The following ZNF579 variants were observed in gnomAD, a reference collection of about 807,000 sequenced individuals.
ZNF579 encodes the protein zinc finger protein 579.
A neutral mutation model predicts 5.7 loss-of-function variants in ZNF579; 3 were observed. The observed-to-expected ratio is 0.53, with a 90% CI of 0.24 to 1.36. The LOEUF (loss-of-function observed/expected upper bound fraction) is 1.36. Among genes scored for constraint, ZNF579 ranks in the 40% most tolerant of loss-of-function variants. The pLI is 0.16. For synonymous variants in ZNF579, 454 were observed against 409.0 expected (o/e 1.11, Z -1.33); for missense variants, 679 against 877.6 (o/e 0.77, Z 2.86).
chr19:55,577,102 G>A lies in ZNF579; in HGVS notation c.*849C>T, dbSNP rs1205934396. 1 of 152,080 alleles carries A rather than the reference G, an allele frequency of 6.6e-6. No individual in the cohort carries two copies. Among genetic ancestry groups the A allele is most frequent in the African/African-American group, 2.4e-5 (1 of 41,380 alleles). 9.4% of individuals were successfully genotyped at this position (152,080 alleles called of 1,614,324 possible). ...CACTGCAGCTTGGGCAACAGAGTGAGGGAAGAAAGATTATGGAAACTTTTC... is the reference window on the plus strand; with the variant it reads ...CACTGCAGCTTGGGCAACAGAGTGAAGGAAGAAAGATTATGGAAACTTTTC... On this transcript the variant is annotated 3_prime_UTR_variant, in exon 2 of 2. Transcript: ENST00000325421.
chr19:55,579,576 G>A lies in ZNF579; in HGVS notation c.64C>T (p.Arg22Cys), dbSNP rs2056966049. The A allele has an allele frequency of 2.7e-6, 4 of 1,491,888 alleles. No homozygotes were observed. The highest frequency in any genetic ancestry group is 2.5e-5 in the South Asian group (2 of 80,120). The allele number at this position is 1,491,888 out of a possible 1,614,324, so 92.4% of individuals were successfully genotyped here. The change falls in exon 2 of 2, where the codon CGT becomes TGT. Residue 22 changes from arginine (R) to cysteine (C), a missense_variant. Physicochemically the swap from Arg to Cys is radical, Grantham distance 180. Around this residue, in one of 6 missense-constraint regions of ZNF579, gnomAD observed 134 missense variants for 208.9 expected, o/e 0.64. Coordinates refer to ENST00000325421, the MANE Select transcript of ZNF579 (RefSeq NM_152600.3). Reference protein sequence around the residue: ...SPPHRGRGRGRGRGRGRGRGR... With the variant: ...SPPHRGRGRGCGRGRGRGRGR... ...CGGCCCCGACCACGGCCTCGGCCAC[G>A]GCCCCGGCCTCGGCCACGGTGAGGT...
Position 55,579,569 on chromosome 19 carries a change from C to T in ZNF579, c.71G>A (p.Arg24Gln). Residue 24 changes from arginine (R) to glutamine (Q), a missense_variant, in exon 2 of 2, where the codon CGA (arginine) becomes CAA (glutamine). This residue lies in a region of ZNF579 where 134 missense variants were observed against 208.9 expected (regional missense o/e 0.64). Transcript: ENST00000325421. ...ACGGCCACGGCCCCGACCACGGCCT[C>T]GGCCACGGCCCCGGCCTCGGCCACG... is the stretch of plus-strand genomic sequence containing the variant. ...PHRGRGRGRG[R>Q]GRGRGRGRGR... is the part of the protein sequence containing the mutation. The T allele has an allele frequency of 2.7e-6, 4 of 1,491,194 alleles. No individual in the cohort carries two copies. The highest frequency in any genetic ancestry group is 1.5e-5 in the African/African-American group (1 of 68,316). The allele number at this position is 1,491,194 out of a possible 1,614,324, so 92.4% of individuals were successfully genotyped here.
chr19:55,579,313 G>A lies in ZNF579; in HGVS notation c.327C>T (p.Phe109=), dbSNP rs920325347. The change falls in exon 2 of 2, where the codon TTC becomes TTT. Residue 109 remains phenylalanine, a synonymous_variant. Coordinates refer to ENST00000325421, the MANE Select transcript of ZNF579 (RefSeq NM_152600.3). ...GGCGCCTGAGCTGGGCCGGTTCTGGGAAGGTGCGGGGGCAGGCGGCGCAGC... is the reference window on the plus strand; with the variant it reads ...GGCGCCTGAGCTGGGCCGGTTCTGGAAAGGTGCGGGGGCAGGCGGCGCAGC... The part of the protein sequence containing the change: ...PLRCAACPRT[F]PEPAQLRRHL... The A allele has an allele frequency of 3.3e-6, 5 of 1,497,306 alleles. No individual in the cohort carries two copies. The highest frequency in any genetic ancestry group is 3.5e-6 in the Non-Finnish European group (4 of 1,126,826). 92.8% of individuals were successfully genotyped at this position (1,497,306 alleles called of 1,614,324 possible).
chr19:55,577,000 C>T lies in ZNF579; in HGVS notation c.*951G>A, dbSNP rs1197299451. 1 of 152,166 alleles carries T rather than the reference C, an allele frequency of 6.6e-6. No individual in the cohort carries two copies. Among genetic ancestry groups the T allele is most frequent in the Non-Finnish European group, 1.5e-5 (1 of 68,058 alleles). 9.4% of individuals were successfully genotyped at this position (152,166 alleles called of 1,614,324 possible). On this transcript the variant is annotated 3_prime_UTR_variant, in exon 2 of 2. Transcript: ENST00000325421. ...GGGTGTGGTGGCATGCACCTGTAGT[C>T]CTAGCTCCTTGAGAGGCTAAGAGGA...
chr19:55,579,914 A>G (rs1292176898), intron 1 of ZNF579: 1 of 367,870 alleles, frequency 2.7e-6, no homozygotes, highest in Non-Finnish European at 4.8e-6. Flanking sequence ...AGAAGTGGGG[A>G]TGGACAGACA....
In ZNF579 at chr19:55,577,991, C is replaced by T. The variant is rs1490243758; in HGVS notation, c.1649G>A (p.Ser550Asn). The T allele has an allele frequency of 2.5e-6, 4 of 1,599,606 alleles. No homozygotes were observed. The highest frequency in any genetic ancestry group is 1.3e-5 in the African/African-American group (1 of 74,754). The change falls in exon 2 of 2, where the codon AGC becomes AAC. Residue 550 changes from serine to asparagine, a missense_variant. This residue lies in a region of ZNF579 where 116 missense variants were observed against 121.9 expected (regional missense o/e 0.95). Transcript: ENST00000325421. ...AFEMEEEEVD[S>N]KAHLRGLGGL... ...CCCCAGCCCGCGCAGGTGAGCCTTG[C>T]TGTCTACCTCTTCCTCCTCCATCTC...
At position 55,578,197 on chromosome 19, in the gene ZNF579, C is replaced by A; in HGVS notation, c.1443G>T (p.Pro481=). 2 of 1,484,910 alleles carry A rather than the reference C, an allele frequency of 1.3e-6. No individual in the cohort carries two copies. Among genetic ancestry groups the A allele is most frequent in the Non-Finnish European group, 1.8e-6 (2 of 1,120,604 alleles). 92.0% of individuals were successfully genotyped at this position (1,484,910 alleles called of 1,614,324 possible). Residue 481 remains proline (P), a synonymous_variant, in exon 2 of 2, where the codon CCG becomes CCT. Coordinates refer to ENST00000325421, the MANE Select transcript of ZNF579 (RefSeq NM_152600.3). The part of the protein sequence containing the change: ...AALQALQAQA[P]TSPPPPPPPL... ...GCGGCGGGGGCGGTGGCGGCGACGTCGGGGCCTGGGCCTGCAGTGCCTGCA... is the reference window on the plus strand; with the variant it reads ...GCGGCGGGGGCGGTGGCGGCGACGTAGGGGCCTGGGCCTGCAGTGCCTGCA...
At position 55,578,183 on chromosome 19, in the gene ZNF579, G is replaced by T. The variant is rs199499964; in HGVS notation, c.1457C>A (p.Pro486Gln). Residue 486 changes from proline to glutamine, a missense_variant, in exon 2 of 2, where the codon CCG (proline) becomes CAG (glutamine). By Grantham distance (76) the Pro-to-Gln change is moderately conservative. Around this residue, in one of 6 missense-constraint regions of ZNF579, gnomAD observed 116 missense variants for 121.9 expected, o/e 0.95. Transcript: ENST00000325421. ...LQAQAPTSPP[P>Q]PPPPLKAEQE... ...CTCGGCCTTCAGGGGCGGCGGGGGC[G>T]GTGGCGGCGACGTCGGGGCCTGGGC... 4.4e-5 allele frequency: 66 copies of T among 1,495,514 alleles called. No homozygotes were observed. Among genetic ancestry groups the T allele is most frequent in the Non-Finnish European group, 5.8e-5 (65 of 1,124,400 alleles). 92.6% of individuals were successfully genotyped at this position (1,495,514 alleles called of 1,614,324 possible). A position where few individuals can be genotyped will look rare whatever the true frequency, so the allele number is the denominator to read the frequency against.
Position 55,578,370 on chromosome 19 carries a change from G to A in ZNF579, c.1270C>T (p.Leu424=). 6.9e-7 allele frequency: 1 copy of A among 1,458,500 alleles called. No individual in the cohort carries two copies. The highest frequency in any genetic ancestry group is 9.0e-7 in the Non-Finnish European group (1 of 1,113,596). The allele number at this position is 1,458,500 out of a possible 1,614,324, so 90.3% of individuals were successfully genotyped here. The change falls in exon 2 of 2, where the codon CTG becomes TTG. Residue 424 remains leucine (L), a synonymous_variant. Transcript: ENST00000325421. ...CVRCQREFKR[L]ADLARHAQVH... ...TGTGCGTGGCGCGCCAGGTCGGCCA[G>A]GCGCTTGAACTCCCGCTGGCAGCGC...
In ZNF579 at chr19:55,578,469, T is replaced by C; in HGVS notation, c.1171A>G (p.Lys391Glu). 6.9e-7 allele frequency: 1 copy of C among 1,449,420 alleles called. No individual in the cohort carries two copies. The highest frequency in any genetic ancestry group is 9.0e-7 in the Non-Finnish European group (1 of 1,111,770). 89.8% of individuals were successfully genotyped at this position (1,449,420 alleles called of 1,614,324 possible). Residue 391 changes from lysine to glutamate, a missense_variant, in exon 2 of 2, where the codon AAA (lysine) becomes GAA (glutamate). Physicochemically the swap from Lys to Glu is moderately conservative, Grantham distance 56 (BLOSUM62 1). Around this residue, in one of 6 missense-constraint regions of ZNF579, gnomAD observed 68 missense variants for 154.2 expected, o/e 0.44. Transcript: ENST00000325421. Reference protein sequence around the residue: ...EPRFWCPECGKGFRRRAHLRQ... With the variant: ...EPRFWCPECGEGFRRRAHLRQ... ...AGGTGCGCCCGGCGCCTGAAACCTTTGCCGCACTCTGGGCACCAGAAGCGG... is the reference window on the plus strand; with the variant it reads ...AGGTGCGCCCGGCGCCTGAAACCTTCGCCGCACTCTGGGCACCAGAAGCGG...
At chr19:55,580,386 C>T (rs971302657) in intron 1 of ZNF579, among the ~76,000 whole-genome samples, 6 of 151,800 alleles carry the variant, frequency 4.0e-5, no homozygotes, top group Non-Finnish European at 8.8e-5. Context: ...GGGGCCCAGA[C>T]TCTTGGGACT....
At position 55,580,830 on chromosome 19, in the gene ZNF579, C is replaced by CCGG. The variant is rs901873052; in HGVS notation, c.-41_-39dup. 6.6e-6 allele frequency: 1 copy of CCGG among 151,364 alleles called. No homozygotes were observed. Among genetic ancestry groups the CCGG allele is most frequent in the African/African-American group, 2.4e-5 (1 of 41,050 alleles). 9.4% of individuals were successfully genotyped at this position (151,364 alleles called of 1,614,324 possible). On this transcript the variant is annotated 5_prime_UTR_variant, in exon 1 of 2. Transcript: ENST00000325421. ...TGGCTCCTTTCTTCCTTCCCCACGG[C>CCGG]CGGCCAAACGCGGACGGTGGTGGCG...
intron 1 of ZNF579, among the ~76,000 whole-genome samples, chr19:55,580,316 G>A (rs184296099): frequency 6.6e-6 from 1 of 152,274 alleles, no homozygotes; most frequent in East Asian, 1.9e-4. Flanking sequence ...GATGCCAGGG[G>A]CTGGGAGAGG....
Position 55,579,195 on chromosome 19 carries a change from C to T in ZNF579, c.445G>A (p.Glu149Lys), listed in dbSNP as rs1236250229. ...TAEPSWGPQD[E>K]GSEPPTTAAA... Reference sequence around the variant, plus strand: ...GCGGTGGTGGGCGGCTCCGAGCCCTCGTCCTGCGGGCCCCAGCTGGGTTCG... The same window carrying T: ...GCGGTGGTGGGCGGCTCCGAGCCCTTGTCCTGCGGGCCCCAGCTGGGTTCG... The change falls in exon 2 of 2, where the codon GAG (glutamate) becomes AAG (lysine). Residue 149 changes from glutamate to lysine, a missense_variant. By Grantham distance (56) the Glu-to-Lys change is moderately conservative (BLOSUM62 1). Around this residue, in one of 6 missense-constraint regions of ZNF579, gnomAD observed 209 missense variants for 223.4 expected, o/e 0.94. Transcript: ENST00000325421. The T allele has an allele frequency of 6.6e-6, 10 of 1,524,594 alleles. No homozygotes were observed. In the African/African-American group the frequency reaches 7.0e-5, roughly 11 times the overall value. 94.4% of individuals were successfully genotyped at this position (1,524,594 alleles called of 1,614,324 possible).
At position 55,578,085 on chromosome 19, in the gene ZNF579, G is replaced by A. The variant is rs1039952871; in HGVS notation, c.1555C>T (p.Gln519Ter). 10 of 1,572,396 alleles carry A rather than the reference G, an allele frequency of 6.4e-6. No individual in the cohort carries two copies. The highest frequency in any genetic ancestry group is 8.6e-6 in the Non-Finnish European group (10 of 1,158,552). The stretch of plus-strand genomic sequence containing the variant: ...AAGACAGGGGGAGCCGGCGGGGACT[G>A]GGGTGGGGTCCCCGGAGAGGGCGGC... ...EEPPSPGTPPQSPPAPPVFLS... is the reference protein window; with the variant it reads ...EEPPSPGTPP Residue 519 changes from glutamine (Q) to a stop codon, truncating the protein, a stop_gained, in exon 2 of 2, where the codon CAG becomes TAG. Transcript: ENST00000325421. LOFTEE classifies it high-confidence loss of function.
intron 1 of ZNF579, chr19:55,579,919 C>T (rs1334806323): frequency 1.9e-5 from 7 of 361,456 alleles, no homozygotes; most frequent in Middle Eastern, 7.2e-4. Context: ...TGGGGATGGA[C>T]AGACAGAGAC....
chr19:55,577,806 G>A lies in ZNF579; in HGVS notation c.*145C>T. ...GGGGGCGGGCGATGGGGGAGGAAGGGGCAGTCCAGGGCCCCCCACTCCTTA... is the reference window on the plus strand; with the variant it reads ...GGGGGCGGGCGATGGGGGAGGAAGGAGCAGTCCAGGGCCCCCCACTCCTTA... On this transcript the variant is annotated 3_prime_UTR_variant, in exon 2 of 2. Transcript: ENST00000325421. The A allele has an allele frequency of 7.1e-7, 1 of 1,413,540 alleles. No homozygotes were observed. Among genetic ancestry groups the A allele is most frequent in the Non-Finnish European group, 9.3e-7 (1 of 1,073,728 alleles). 87.6% of individuals were successfully genotyped at this position (1,413,540 alleles called of 1,614,324 possible). A position where few individuals can be genotyped will look rare whatever the true frequency, so the allele number is the denominator to read the frequency against.
rs1467315718 is a variant in ZNF579, at chr19:55,579,439, C to T, written c.201G>A (p.Ser67=). The part of the protein sequence containing the change: ...YYLSRHRLSH[S]GLRPHACPLC... ...GCGGGCAGGCGTGGGGCCGGAGCCC[C>T]GAGTGGCTCAGCCGGTGCCGGGAGA... The change falls in exon 2 of 2, where the codon TCG becomes TCA. Residue 67 remains serine (S), a synonymous_variant. Coordinates refer to ENST00000325421, the MANE Select transcript of ZNF579 (RefSeq NM_152600.3). 7.5e-7 allele frequency: 1 copy of T among 1,336,286 alleles called. No homozygotes were observed. Among genetic ancestry groups the T allele is most frequent in the Non-Finnish European group, 9.6e-7 (1 of 1,041,216 alleles). The allele number at this position is 1,336,286 out of a possible 1,614,324, so 82.8% of individuals were successfully genotyped here.
Position 55,577,772 on chromosome 19 carries a change from A to G in ZNF579, c.*179T>C. 1 of 1,183,098 alleles carries G rather than the reference A, an allele frequency of 8.5e-7. No individual in the cohort carries two copies. Among genetic ancestry groups the G allele is most frequent in the Non-Finnish European group, 1.1e-6 (1 of 872,764 alleles). 73.3% of individuals were successfully genotyped at this position (1,183,098 alleles called of 1,614,324 possible). ...GGGTGAGCGGTTCCTAACCAGCATC[A>G]GGGGTTCTGGGGGCGGGCGATGGGG... On this transcript the variant is annotated 3_prime_UTR_variant, in exon 2 of 2. Transcript: ENST00000325421.
Sources: allele counts gnomAD v4.1 joint callset (sites outside exome capture counted in the v4.1 genomes callset), GRCh38; gene constraint gnomAD v4.1.1; regional missense constraint gnomAD v4.1.1; transcripts MANE v1.5; gene names NCBI Gene and HGNC (gene_info 2026-07-23, HGNC 2026-07-21).